Variants in PTPRO observed in about 807,000 individuals in gnomAD.
PTPRO encodes receptor-type tyrosine-protein phosphatase O.
Under a neutral mutation model 145.2 loss-of-function variants are expected in PTPRO, and 62 were observed. That is an observed-to-expected ratio of 0.43 (90% confidence interval 0.35 to 0.53). The LOEUF is 0.53. PTPRO is among the 20% of genes least tolerant of loss of function. PTPRO has a pLI of 0.01. For missense variants in PTPRO, 1,345 were observed against 1,482.7 expected, an observed-to-expected ratio of 0.91 and a Z score of 1.53; for synonymous variants, 565 against 514.7, an observed-to-expected ratio of 1.10 and a Z score of -1.32.
intron 1 of PTPRO, among the ~76,000 whole-genome samples, chr12:15,392,257 G>A (rs1004629770): frequency 6.6e-6 from 1 of 152,180 alleles, no homozygotes; most frequent in Non-Finnish European, 1.5e-5. Context: ...GTATGAGAAG[G>A]TGTCAATTCA....
At chr12:15,441,860 A>C (rs1940775483) in intron 1 of PTPRO, among the ~76,000 whole-genome samples, 1 of 152,154 alleles carries the variant, frequency 6.6e-6, no homozygotes, top group Admixed American at 6.5e-5. Context: ...TCAGTAATAA[A>C]ATAAAAACTA....
intron 1 of PTPRO, among the ~76,000 whole-genome samples, chr12:15,348,052 C>G (rs1009412512): frequency 3.3e-5 from 5 of 152,006 alleles, no homozygotes; most frequent in African/African-American, 4.8e-5. Flanking sequence ...CAAAAGATGA[C>G]CATACCCTAA....
At chr12:15,328,167 G>A (rs941884204) in intron 1 of PTPRO, among the ~76,000 whole-genome samples, 4 of 150,448 alleles carry the variant, frequency 2.7e-5, no homozygotes, top group Non-Finnish European at 5.9e-5. Flanking sequence ...TACCTCTCAT[G>A]TAATCTGCTA....
intron 24 of PTPRO, 59 bp from the exon 25 acceptor site, chr12:15,589,396 G>C (rs1054191194): frequency 7.5e-6 from 12 of 1,610,506 alleles, no homozygotes; most frequent in Non-Finnish European, 1.0e-5. Context: ...AAAAAAAGAG[G>C]GGGGAGAAAA....
intron 1 of PTPRO, among the ~76,000 whole-genome samples, chr12:15,323,588 G>A (rs1866363550): frequency 6.6e-6 from 1 of 152,158 alleles, no homozygotes; most frequent in Admixed American, 6.5e-5. Context: ...AGAAATGTCA[G>A]CTAGATGTTT....
intron 1 of PTPRO, among the ~76,000 whole-genome samples, chr12:15,436,969 G>C (rs1591810365): frequency 1.3e-5 from 2 of 152,100 alleles, no homozygotes; most frequent in Middle Eastern, 6.8e-3. Flanking sequence ...TGCCATTGCT[G>C]AGTGCCCCAT....
chr12:15,542,426 C>T (rs528840888), intron 12 of PTPRO, among the ~76,000 whole-genome samples: 6 of 152,320 alleles, frequency 3.9e-5, no homozygotes, highest in East Asian at 1.9e-4. Flanking sequence ...ATGCGGCCTA[C>T]GGGCCATGGG....
At chr12:15,394,160 A>G (rs1939271908) in intron 1 of PTPRO, among the ~76,000 whole-genome samples, 1 of 152,148 alleles carries the variant, frequency 6.6e-6, no homozygotes, top group Admixed American at 6.5e-5. Flanking sequence ...TTATGTTTCA[A>G]TATGAGTTTC....
intron 2 of PTPRO, among the ~76,000 whole-genome samples, chr12:15,496,389 G>A (rs181719239): frequency 3.3e-5 from 5 of 151,998 alleles, no homozygotes; most frequent in African/African-American, 9.6e-5. Flanking sequence ...TGATCCACCC[G>A]CCTTGACCTT....
chr12:15,464,891 G>A (rs1941384276), intron 1 of PTPRO, among the ~76,000 whole-genome samples: 1 of 151,950 alleles, frequency 6.6e-6, no homozygotes, highest in Non-Finnish European at 1.5e-5. Context: ...ATTAGAACTT[G>A]TACCATTAAA....
chr12:15,323,450 A>G (rs933352730), intron 1 of PTPRO, among the ~76,000 whole-genome samples: 1 of 152,192 alleles, frequency 6.6e-6, no homozygotes, highest in African/African-American at 2.4e-5. Flanking sequence ...AAAATATATA[A>G]TAATAAACTT....
At chr12:15,398,365 C>G (rs1281250280) in intron 1 of PTPRO, among the ~76,000 whole-genome samples, 2 of 151,942 alleles carry the variant, frequency 1.3e-5, no homozygotes, top group Non-Finnish European at 2.9e-5. Flanking sequence ...TTCCCATGTG[C>G]ATTTTTACTT....
At chr12:15,497,202 C>T (rs1431299060) in intron 2 of PTPRO, 43 bp from the exon 3 acceptor site, 1 of 1,505,362 alleles carries the variant, frequency 6.6e-7, no homozygotes, top group Non-Finnish European at 9.2e-7. Flanking sequence ...GCCTTTCTCT[C>T]TCCTCTTTCT....
chr12:15,441,518 G>C (rs2136359619), intron 1 of PTPRO, among the ~76,000 whole-genome samples: 1 of 152,178 alleles, frequency 6.6e-6, no homozygotes, highest in South Asian at 2.1e-4. Context: ...GGCAGATATT[G>C]AGAATCAAAT....
intron 1 of PTPRO, chr12:15,346,483 C>A (rs1359073100): frequency 6.6e-6 from 1 of 152,174 alleles, no homozygotes; most frequent in Admixed American, 6.5e-5. Context: ...TTGTCTGCAG[C>A]TTGTTGGGCA....
rs537772888 is a variant in PTPRO, at chr12:15,421,956, G to T, written c.76-62018G>T. Among the ~76,000 whole-genome samples the T allele has an allele frequency of 4.6e-5, 7 of 151,344 alleles. 1 individual carries two copies. The highest frequency in any genetic ancestry group is 9.7e-5 in the African/African-American group (4 of 41,200). On this transcript the variant is annotated intron_variant, in intron 1 of 26. Transcript: ENST00000281171. ...TAGAACAATACCTGATACATGAAAA[G>T]AATTTTTAAAATTTTATTTATTATC...
At chr12:15,496,082 T>C (rs934677569) in intron 2 of PTPRO, among the ~76,000 whole-genome samples, 2 of 151,826 alleles carry the variant, frequency 1.3e-5, no homozygotes, top group Non-Finnish European at 2.9e-5. Context: ...CACAGTTACG[T>C]CTTTTGGGGT....
intron 12 of PTPRO, among the ~76,000 whole-genome samples, chr12:15,531,337 A>G (rs1009818379): frequency 2.6e-5 from 4 of 152,194 alleles, no homozygotes; most frequent in African/African-American, 9.6e-5. Flanking sequence ...ATAGGAAGGA[A>G]TACTTCCAAA....
chr12:15,422,244 G>A (rs921310601), intron 1 of PTPRO, among the ~76,000 whole-genome samples: 2 of 152,108 alleles, frequency 1.3e-5, no homozygotes, highest in Admixed American at 6.5e-5. Flanking sequence ...ATAATTGTAC[G>A]AAAGGGTTTT....
Sources: allele counts gnomAD v4.1 joint callset (sites outside exome capture counted in the v4.1 genomes callset), GRCh38; gene constraint gnomAD v4.1.1; transcripts MANE v1.5; gene names NCBI Gene and HGNC (gene_info 2026-07-23, HGNC 2026-07-21).